DAB1: variants seen among roughly 807,000 people sequenced by gnomAD.
DAB1 encodes the protein disabled homolog 1.
In DAB1, 15 loss-of-function variants were observed where a neutral mutation model predicts 64.6. That is an observed-to-expected ratio of 0.23 (90% CI 0.16 to 0.36). The LOEUF is 0.36. Ranked by LOEUF, DAB1 falls within the 10% of genes least tolerant of loss-of-function variation. The probability of loss-of-function intolerance (pLI) is 1.00; values close to 1 mark genes in which losing one functional copy is unlikely to be tolerated. For synonymous variants in DAB1, 235 were observed against 251.9 expected (o/e 0.93, Z 0.64); for missense variants, 596 against 706.7 (o/e 0.84, Z 1.78).
intron 1 of DAB1, chr1:57,862,826 G>A (rs1414519315): frequency 1.3e-5 from 2 of 152,140 alleles, no homozygotes; most frequent in Non-Finnish European, 2.9e-5. Context: ...TCACACTGCT[G>A]GAAGGAATGT....
intron 7 of DAB1, among the ~76,000 whole-genome samples, chr1:57,471,511 C>A (rs1266741716): frequency 6.6e-6 from 1 of 152,148 alleles, no homozygotes; most frequent in African/African-American, 2.4e-5. Context: ...TGAATTCCCA[C>A]GTGTTGCAGG....
intron 5 of DAB1, among the ~76,000 whole-genome samples, chr1:58,036,977 T>C (rs1181458066): frequency 6.6e-6 from 1 of 152,210 alleles, no homozygotes; most frequent in African/African-American, 2.4e-5. Flanking sequence ...GGAATATGAT[T>C]CTGAGCATGG....
chr1:58,536,496 C>T (rs752233076), intron 1 of DAB1: 1 of 856,704 alleles, frequency 1.2e-6, no homozygotes, highest in South Asian at 1.3e-5. Flanking sequence ...TAATTAAAAA[C>T]AACTCTTACT....
intron 1 of DAB1, among the ~76,000 whole-genome samples, chr1:57,393,983 C>A (rs1474801318): frequency 6.6e-6 from 1 of 152,166 alleles, no homozygotes; most frequent in African/African-American, 2.4e-5. Context: ...TAATCTAGAA[C>A]CTTGATTCAA....
chr1:57,685,331 G>C (rs950137192), intron 6 of DAB1, among the ~76,000 whole-genome samples: 1 of 151,762 alleles, frequency 6.6e-6, no homozygotes, highest in African/African-American at 2.4e-5. Context: ...ATTACATAAT[G>C]ATAAAGGGTA....
chr1:57,599,794 T>C (rs1363807524), intron 7 of DAB1, among the ~76,000 whole-genome samples: 5 of 152,268 alleles, frequency 3.3e-5, no homozygotes, highest in Admixed American at 2.0e-4. Context: ...GCCCGGTGCC[T>C]GTAGCCCTTT....
intron 3 of DAB1, among the ~76,000 whole-genome samples, chr1:58,486,942 A>C (rs1388247210): frequency 1.3e-5 from 2 of 152,230 alleles, no homozygotes; most frequent in Non-Finnish European, 2.9e-5. Flanking sequence ...GCAGTGGCCA[A>C]ATTACGTGCC....
At chr1:57,444,103 A>C (rs1686050784) in intron 7 of DAB1, among the ~76,000 whole-genome samples, 1 of 152,024 alleles carries the variant, frequency 6.6e-6, no homozygotes, top group Non-Finnish European at 1.5e-5. Flanking sequence ...TCCCACCTCA[A>C]GGTCCTGGAA....
chr1:57,406,616 A>G (rs1683660555), intron 1 of DAB1, among the ~76,000 whole-genome samples: 1 of 152,186 alleles, frequency 6.6e-6, no homozygotes, highest in Non-Finnish European at 1.5e-5. Context: ...CATCATCTTC[A>G]TCATTGCATC....
At chr1:57,753,824 C>A (rs999424118) in intron 6 of DAB1, among the ~76,000 whole-genome samples, 4 of 152,160 alleles carry the variant, frequency 2.6e-5, no homozygotes, top group Non-Finnish European at 5.9e-5. Flanking sequence ...ATGGCAGAGT[C>A]GGCATTTGAA....
At chr1:57,693,115 C>A (rs530997557) in intron 6 of DAB1, among the ~76,000 whole-genome samples, 1 of 152,198 alleles carries the variant, frequency 6.6e-6, no homozygotes, top group East Asian at 1.9e-4. Context: ...CAACTTCTAC[C>A]GAGGGCCCCT....
rs1225366910 is a variant in DAB1 at position 57,696,322 on chromosome 1, A to G, written n.552-46657T>C. Among the ~76,000 whole-genome samples, 10 of 151,276 alleles carry G rather than the reference A, an allele frequency of 6.6e-5. No individual in the cohort carries two copies. In the Admixed American group the frequency reaches 6.6e-4, roughly 10 times the overall value. On this transcript the variant is annotated intron_variant and non_coding_transcript_variant, in intron 6 of 20. Coordinates refer to the DAB1 transcript ENST00000485760. Reference sequence around the variant, plus strand: ...GTTTTGTCAAGGACTGCCCTCTGAAACTATGTCTGTGGGAGATGTGGGAAG... The same window carrying G: ...GTTTTGTCAAGGACTGCCCTCTGAAGCTATGTCTGTGGGAGATGTGGGAAG...
intron 6 of DAB1, among the ~76,000 whole-genome samples, chr1:57,703,270 A>G (rs935921154): frequency 5.3e-5 from 8 of 152,214 alleles, no homozygotes; most frequent in African/African-American, 1.9e-4. Context: ...AACGGGAGAA[A>G]ATTTTTGCAA....
intron 7 of DAB1, among the ~76,000 whole-genome samples, chr1:57,498,547 A>G (rs1283070985): frequency 6.6e-6 from 1 of 152,210 alleles, no homozygotes; most frequent in Admixed American, 6.5e-5. Context: ...GTGGTCAAGG[A>G]AGATGGGTAC....
intron 5 of DAB1, among the ~76,000 whole-genome samples, chr1:58,037,479 G>C (rs1647063065): frequency 1.3e-5 from 2 of 152,158 alleles, no homozygotes; most frequent in Non-Finnish European, 2.9e-5. Flanking sequence ...CCTCCTGTTA[G>C]ATCAGCAGTG....
rs529327922 is a variant in DAB1, at chr1:57,905,605, G to C, written n.388-21443C>G. On this transcript the variant is annotated intron_variant and non_coding_transcript_variant, in intron 5 of 20. Coordinates refer to the DAB1 transcript ENST00000485760. ...TCAAGATGGAGATAAGTAGGTATGA[G>C]TCTGAAGCTCAGGGAAGAAGTCTGG... Among the ~76,000 whole-genome samples, 10 of 152,282 alleles carry C rather than the reference G, an allele frequency of 6.6e-5. No individual in the cohort carries two copies. In the East Asian group the frequency reaches 1.9e-3, roughly 29 times the overall value.
intron 9 of DAB1, among the ~76,000 whole-genome samples, chr1:57,047,177 T>C (rs1186439384): frequency 6.6e-6 from 1 of 152,172 alleles, no homozygotes; most frequent in Non-Finnish European, 1.5e-5. Context: ...TCAATATCCT[T>C]TATGGTAGAG....
intron 3 of DAB1, among the ~76,000 whole-genome samples, chr1:58,429,756 C>G (rs938423341): frequency 2.0e-5 from 3 of 152,334 alleles, no homozygotes; most frequent in Non-Finnish European, 4.4e-5. Flanking sequence ...ACCCCACTCC[C>G]TGAGCACCGC....
intron 1 of DAB1, among the ~76,000 whole-genome samples, chr1:57,384,438 A>G (rs1162722659): frequency 6.6e-6 from 1 of 152,220 alleles, no homozygotes; most frequent in East Asian, 1.9e-4. Flanking sequence ...AAGCAGTATC[A>G]TGAAGAAGTA....
Sources: gnomAD v4.1 joint callset for allele counts (sites outside exome capture counted in the v4.1 genomes callset) on GRCh38, gnomAD v4.1.1 for gene constraint, MANE v1.5 for transcripts, NCBI Gene and HGNC (gene_info 2026-07-23, HGNC 2026-07-21) for gene names.